The following ARHGAP6 variants were observed in gnomAD, a reference collection of about 807,000 sequenced individuals.
ARHGAP6 encodes the protein rho GTPase-activating protein 6.
ARHGAP6 carries 16 observed loss-of-function variants against 55.7 expected under a neutral mutation model. That is an observed-to-expected ratio of 0.29 (90% CI 0.19 to 0.44). ARHGAP6 has a LOEUF of 0.44. Among genes scored for constraint, ARHGAP6 ranks in the 20% least tolerant of loss-of-function variants. ARHGAP6 has a pLI of 1.00. For synonymous variants in ARHGAP6, 382 were observed against 360.9 expected (o/e 1.06, Z -0.66); for missense variants, 698 against 808.9 (o/e 0.86, Z 1.66).
At chrX:11,620,529 T>C (rs1284564829) in intron 1 of ARHGAP6, among the ~76,000 whole-genome samples, 1 of 112,124 alleles carries the variant, frequency 8.9e-6, no homozygotes, top group African/African-American at 3.2e-5. Flanking sequence ...GACAGAGAAA[T>C]CTCTTTCCAA....
chrX:11,468,466 T>C (rs2050317283), intron 1 of ARHGAP6, among the ~76,000 whole-genome samples: 1 of 112,057 alleles, frequency 8.9e-6, no homozygotes, highest in Non-Finnish European at 1.9e-5. Flanking sequence ...CCTTAAATCC[T>C]GGTACCTTCT....
chrX:11,141,445 A>T (rs2045617062), intron 12 of ARHGAP6, among the ~76,000 whole-genome samples: 1 of 112,662 alleles, frequency 8.9e-6, no homozygotes, highest in Admixed American at 9.4e-5. Flanking sequence ...ATAAGAATTT[A>T]AAAAACACTG....
At chrX:11,490,835 C>G (rs975587605) in intron 1 of ARHGAP6, among the ~76,000 whole-genome samples, 1 of 112,096 alleles carries the variant, frequency 8.9e-6, no homozygotes, top group Admixed American at 9.5e-5. Context: ...TACTTAAACA[C>G]GAATTTGACT....
chrX:11,554,567 G>A (rs1402773016), intron 1 of ARHGAP6, among the ~76,000 whole-genome samples: 1 of 111,641 alleles, frequency 9.0e-6, no homozygotes, highest in Non-Finnish European at 1.9e-5. Context: ...TCCTAAATAT[G>A]AACAAATATT....
chrX:11,411,910 G>T (rs1309755728), intron 1 of ARHGAP6, among the ~76,000 whole-genome samples: 1 of 111,008 alleles, frequency 9.0e-6, no homozygotes, highest in Non-Finnish European at 1.9e-5. Context: ...GAACATTTTT[G>T]TCACTTCAAT....
intron 1 of ARHGAP6, among the ~76,000 whole-genome samples, chrX:11,486,763 T>C (rs750370331): frequency 8.9e-6 from 1 of 111,865 alleles, no homozygotes; most frequent in Non-Finnish European, 1.9e-5. Context: ...AGGGGAATGA[T>C]GATGCTGGCC....
At chrX:11,596,277 C>T (rs1012487094) in intron 1 of ARHGAP6, among the ~76,000 whole-genome samples, 2 of 111,618 alleles carry the variant, frequency 1.8e-5, no homozygotes, top group Non-Finnish European at 3.8e-5. Flanking sequence ...TTTGCAGGGA[C>T]GTGGATAAAG....
intron 2 of ARHGAP6, among the ~76,000 whole-genome samples, chrX:11,212,373 G>A (rs779314508): frequency 1.8e-5 from 2 of 112,372 alleles, no homozygotes; most frequent in South Asian, 3.7e-4. Context: ...AGAGAAAGGA[G>A]TTCCTTCTCA....
chrX:11,211,832 C>T (rs772896287), intron 2 of ARHGAP6, among the ~76,000 whole-genome samples: 2 of 112,240 alleles, frequency 1.8e-5, no homozygotes, highest in South Asian at 3.7e-4. Context: ...TGCGCCACCT[C>T]GCCCAGCTGG....
At chrX:11,227,783 CTTTCTT>C (rs1200552487) in intron 2 of ARHGAP6, among the ~76,000 whole-genome samples, 4 of 108,809 alleles carry the variant, frequency 3.7e-5, no homozygotes, top group African/African-American at 1.0e-4. Context: ...CTTTTAAAAT[CTTTCTT>C]TTTCTTTTTT....
chrX:11,562,562 G>A (rs1394633197), intron 1 of ARHGAP6, among the ~76,000 whole-genome samples: 2 of 110,756 alleles, frequency 1.8e-5, no homozygotes, highest in African/African-American at 6.6e-5. Context: ...AAACAACAGA[G>A]GAAACTATAA....
chrX:11,476,706 G>A (rs766583197), intron 1 of ARHGAP6, among the ~76,000 whole-genome samples: 3 of 110,819 alleles, frequency 2.7e-5, no homozygotes, highest in Non-Finnish European at 5.7e-5. Flanking sequence ...TTTCAACAAA[G>A]GTGTCAAAAG....
In ARHGAP6 at chrX:11,249,136, T is replaced by C. The variant is rs138892382; in HGVS notation, c.748+5412A>G. On this transcript the variant is annotated intron_variant, in intron 2 of 12. Coordinates refer to ENST00000337414, the MANE Select transcript of ARHGAP6 (RefSeq NM_013427.3). ...GGCATTAACAGCGACCTGGATGGGA[T>C]TGGAGACTATTATTCTAAGTGAAGT... Among the ~76,000 whole-genome samples, 753 of 111,575 alleles carry C rather than the reference T, an allele frequency of 6.7e-3. 6 individuals carry two copies. Among genetic ancestry groups the C allele is most frequent in the Non-Finnish European group, 0.011 (593 of 53,080 alleles).
intron 2 of ARHGAP6, among the ~76,000 whole-genome samples, chrX:11,213,865 C>A (rs775006213): frequency 1.6e-4 from 18 of 111,761 alleles, no homozygotes; most frequent in South Asian, 3.8e-4. Flanking sequence ...AAATTGCCCT[C>A]GTAGCCCTTA....
intron 1 of ARHGAP6, among the ~76,000 whole-genome samples, chrX:11,551,776 T>G (rs1039580368): frequency 1.8e-5 from 2 of 111,863 alleles, no homozygotes; most frequent in Non-Finnish European, 3.8e-5. Flanking sequence ...ATTAGGGTGA[T>G]GCATCTACAA....
intron 1 of ARHGAP6, among the ~76,000 whole-genome samples, chrX:11,482,816 T>C (rs2050470312): frequency 9.0e-6 from 1 of 111,583 alleles, no homozygotes; most frequent in Non-Finnish European, 1.9e-5. Context: ...CAGAAATTTA[T>C]ATCCCCTCCC....
chrX:11,323,696 C>G (rs2048461204), intron 1 of ARHGAP6, among the ~76,000 whole-genome samples: 2 of 109,601 alleles, frequency 1.8e-5, no homozygotes, highest in Admixed American at 1.9e-4. Context: ...GAAACCCTGT[C>G]TCTACTAAAA....
chrX:11,606,434 T>C (rs1159679160), intron 1 of ARHGAP6, among the ~76,000 whole-genome samples: 1 of 111,711 alleles, frequency 9.0e-6, no homozygotes, highest in Non-Finnish European at 1.9e-5. Flanking sequence ...TTATTGATAG[T>C]GTGTACATGC....
At chrX:11,554,736 A>C (rs2051304170) in intron 1 of ARHGAP6, among the ~76,000 whole-genome samples, 1 of 112,125 alleles carries the variant, frequency 8.9e-6, no homozygotes, top group Non-Finnish European at 1.9e-5. Context: ...TATGAATAAT[A>C]CAAAATTAAA....
Sources: gnomAD v4.1 joint callset for allele counts (sites outside exome capture counted in the v4.1 genomes callset) on GRCh38, gnomAD v4.1.1 for gene constraint, MANE v1.5 for transcripts, NCBI Gene and HGNC (gene_info 2026-07-23, HGNC 2026-07-21) for gene names.